Variants in ABCB4 observed in about 807,000 individuals in gnomAD.
The protein encoded by ABCB4 is ATP binding cassette subfamily B member 4.
Under a neutral mutation model 145.7 loss-of-function variants are expected in ABCB4, and 76 were observed. The ratio of observed to expected loss-of-function variants is 0.52; its 90% confidence interval spans 0.43 to 0.63. ABCB4 has a LOEUF of 0.63. ABCB4 is among the 30% of genes least tolerant of loss of function. The pLI, the probability that ABCB4 is intolerant of heterozygous loss-of-function variation, is 0.00. For synonymous variants in ABCB4, 517 were observed against 566.8 expected (o/e 0.91, Z 1.25); for missense variants, 1,234 against 1,553.1 (o/e 0.79, Z 3.45).
chr7:87,451,910 T>A, intron 6 of ABCB4, 116 bp from the exon 7 acceptor site: 3 of 949,548 alleles, frequency 3.2e-6, no homozygotes, highest in Non-Finnish European at 3.4e-6. Flanking sequence ...CAAGCCTCTT[T>A]CAGAGTCTTA....
chr7:87,454,706 G>T (rs1233750691), intron 4 of ABCB4, 114 bp from the exon 5 acceptor site: 1 of 803,670 alleles, frequency 1.2e-6, no homozygotes. Flanking sequence ...AGATGCTATT[G>T]TTAAGTTTCT....
chr7:87,367,261 G>A, the ABCB4 span, among the ~76,000 whole-genome samples: 3 of 152,196 alleles, frequency 2.0e-5, no homozygotes, highest in Non-Finnish European at 4.4e-5. Context: ...AGAGATGGAA[G>A]TATGAGAAGG....
intron 14 of ABCB4, among the ~76,000 whole-genome samples, chr7:87,434,075 C>CCCA (rs1810438594): frequency 6.6e-6 from 1 of 151,210 alleles, no homozygotes; most frequent in Non-Finnish European, 1.5e-5. Context: ...ACTACAAGTG[C>CCCA]CCACCACCAC....
chr7:87,468,855 C>T (rs540451013), intron 3 of ABCB4, among the ~76,000 whole-genome samples: 5 of 151,920 alleles, frequency 3.3e-5, no homozygotes, highest in South Asian at 2.1e-4. Context: ...GGCGTGAACC[C>T]GGGAGGCGCA....
At chr7:87,403,097 T>A (rs1807922900) in intron 27 of ABCB4, 38 bp downstream of exon 27, 1 of 1,611,022 alleles carries the variant, frequency 6.2e-7, no homozygotes, top group Non-Finnish European at 8.5e-7. Flanking sequence ...TTCTATTTCA[T>A]AAATTAAATA....
chr7:87,469,956 T>C (rs1433109936), intron 3 of ABCB4, among the ~76,000 whole-genome samples: 3 of 152,200 alleles, frequency 2.0e-5, no homozygotes, highest in East Asian at 3.8e-4. Flanking sequence ...TCATGCTACC[T>C]GACTTCAAAC....
intron 14 of ABCB4, among the ~76,000 whole-genome samples, chr7:87,434,514 C>A (rs992032527): frequency 1.3e-5 from 2 of 151,952 alleles, no homozygotes; most frequent in Admixed American, 6.6e-5. Context: ...CTTTGGGAGG[C>A]CGAGGCAGGC....
intron 12 of ABCB4, among the ~76,000 whole-genome samples, chr7:87,440,894 C>T (rs951073757): frequency 6.6e-6 from 1 of 152,086 alleles, no homozygotes; most frequent in Non-Finnish European, 1.5e-5. Flanking sequence ...GCACCCACCA[C>T]CATGCCCGGC....
intron 8 of ABCB4, among the ~76,000 whole-genome samples, chr7:87,449,048 C>T (rs145783316): frequency 1.3e-5 from 2 of 152,192 alleles, no homozygotes; most frequent in African/African-American, 4.8e-5. Flanking sequence ...TATCCCCAAA[C>T]TCATTGAGAT....
Position 87,406,503 on chromosome 7 carries a change from C to G in ABCB4, c.3280-9G>C. 1.2e-6 allele frequency: 2 copies of G among 1,612,716 alleles called. No homozygotes were observed. The highest frequency in any genetic ancestry group is 2.2e-5 in the South Asian group (2 of 90,952). On this transcript the variant is annotated splice_polypyrimidine_tract_variant and intron_variant, in intron 25 of 27. Coordinates refer to ENST00000649586, the MANE Select transcript of ABCB4 (RefSeq NM_000443.4). Reference sequence around the variant, plus strand: ...TCTTGACCATCGAGAAGCTGAAAACCAAAGTCCACAAACTATAAGAAGGGT... The same window carrying G: ...TCTTGACCATCGAGAAGCTGAAAACGAAAGTCCACAAACTATAAGAAGGGT...
At chr7:87,413,175 A>G (rs1232863306) in intron 22 of ABCB4, among the ~76,000 whole-genome samples, 1 of 152,208 alleles carries the variant, frequency 6.6e-6, no homozygotes, top group Non-Finnish European at 1.5e-5. Flanking sequence ...CTTTATCTTC[A>G]GAGTAGGTTG....
At chr7:87,382,753 T>C in the ABCB4 span, among the ~76,000 whole-genome samples, 3 of 152,216 alleles carry the variant, frequency 2.0e-5, no homozygotes, top group African/African-American at 7.2e-5. Flanking sequence ...CAGTATCCAC[T>C]TGATAACTTT....
chr7:87,391,632 C>T, the ABCB4 span: 4 of 1,607,520 alleles, frequency 2.5e-6, no homozygotes, highest in Admixed American at 3.4e-5. Flanking sequence ...ACATTTTTAT[C>T]ATGGCCGTAC....
chr7:87,462,975 T>C (rs934039901), intron 3 of ABCB4, 67 bp from the exon 4 acceptor site: 2 of 1,423,018 alleles, frequency 1.4e-6, no homozygotes, highest in Non-Finnish European at 1.9e-6. Flanking sequence ...TAATTATATA[T>C]TCTTTGGATT....
intron 15 of ABCB4, among the ~76,000 whole-genome samples, chr7:87,429,917 A>T (rs1159649339): frequency 1.4e-5 from 2 of 147,888 alleles, no homozygotes; most frequent in African/African-American, 5.2e-5. Flanking sequence ...TTTTTTTTAA[A>T]AAAAAAAAAA....
Position 87,433,669 on chromosome 7 carries a change from G to GTTT in ABCB4, c.1732-2105_1732-2104insAAA, listed in dbSNP as rs752621529. ...AAGTAGAGCTTTGACACAAAAAATT[G>GTTT]TTGTTGTTTTTTTTTTTTTTTTTTT... On this transcript the variant is annotated intron_variant, in intron 14 of 27. Transcript: ENST00000649586. 1.0e-3 allele frequency among the ~76,000 whole-genome samples: 128 copies of GTTT among 124,032 alleles called. 3 individuals are homozygous for GTTT. The highest frequency in any genetic ancestry group is 4.2e-3 in the Middle Eastern group (1 of 236). The allele number at this position is 124,032 out of a possible 152,430, so 81.4% of individuals were successfully genotyped here. A position where few individuals can be genotyped will look rare whatever the true frequency, so the allele number is the denominator to read the frequency against.
At chr7:87,415,619 G>C (rs1328159907) in intron 21 of ABCB4, among the ~76,000 whole-genome samples, 2 of 152,088 alleles carry the variant, frequency 1.3e-5, no homozygotes, top group Non-Finnish European at 2.9e-5. Flanking sequence ...GAAGGAACTT[G>C]GGGCAGTATC....
At chr7:87,372,080 A>G in the ABCB4 span, among the ~76,000 whole-genome samples, 699 of 151,900 alleles carry the variant, frequency 4.6e-3, 8 homozygotes, top group African/African-American at 0.015. Flanking sequence ...TGTTGTTCGA[A>G]TTGGCATATC....
intron 26 of ABCB4, among the ~76,000 whole-genome samples, chr7:87,404,750 T>A (rs1019283816): frequency 3.3e-5 from 5 of 152,106 alleles, no homozygotes; most frequent in East Asian, 1.9e-4. Context: ...AGATGGTAAA[T>A]AAGCATATAA....
Sources: gnomAD v4.1 joint callset for allele counts (sites outside exome capture counted in the v4.1 genomes callset) on GRCh38, gnomAD v4.1.1 for gene constraint, MANE v1.5 for transcripts, NCBI Gene and HGNC (gene_info 2026-07-23, HGNC 2026-07-21) for gene names.